OR2L3: variants seen among roughly 807,000 people sequenced by gnomAD.
The protein encoded by OR2L3 is olfactory receptor family 2 subfamily L member 3, also known as olfactory receptor 2L3.
For missense variants in OR2L3, 369 were observed against 376.6 expected, an observed-to-expected ratio of 0.98 and a Z score of 0.17; for synonymous variants, 131 against 139.1, an observed-to-expected ratio of 0.94 and a Z score of 0.41.
At chr1:248,059,807 G>A (rs1663564296) in intron 1 of OR2L3, among the ~76,000 whole-genome samples, 2 of 152,130 alleles carry the variant, frequency 1.3e-5, no homozygotes, top group African/African-American at 4.8e-5. Flanking sequence ...CATTTGCAAG[G>A]CCAAGACAGG....
intron 1 of OR2L3, among the ~76,000 whole-genome samples, chr1:248,052,943 A>T (rs1287988833): frequency 6.6e-6 from 1 of 151,240 alleles, no homozygotes; most frequent in Non-Finnish European, 1.5e-5. Context: ...TATTTTTAAT[A>T]ATTATTTTAT....
rs775645159 is a variant in OR2L3 at position 248,061,517 on chromosome 1, C to T, written c.836C>T (p.Thr279Ile). ...EDKVLAVFYT[T>I]LTPMLNPIIY... ...AAGGTTCTGGCTGTCTTCTACACCA[C>T]CCTCACTCCAATGCTCAACCCCATC... Residue 279 changes from threonine (T) to isoleucine (I), a missense_variant, in exon 2 of 2, where the codon ACC becomes ATC. Physicochemically the swap from Thr to Ile is moderately conservative, Grantham distance 89. Coordinates refer to ENST00000359959, the MANE Select transcript of OR2L3 (RefSeq NM_001004687.2). 105 of 1,613,812 alleles carry T rather than the reference C, an allele frequency of 6.5e-5. No individual in the cohort carries two copies. Among genetic ancestry groups the T allele is most frequent in the South Asian group, 1.5e-4 (14 of 91,072 alleles).
At chr1:248,060,237 A>T in intron 1 of OR2L3, among the ~76,000 whole-genome samples, 1 of 152,160 alleles carries the variant, frequency 6.6e-6, no homozygotes, top group Admixed American at 6.5e-5. Context: ...TGTAATAGAG[A>T]TATCTTTCTT....
chr1:248,053,541 C>T (rs917119915), intron 1 of OR2L3, among the ~76,000 whole-genome samples: 26 of 152,324 alleles, frequency 1.7e-4, no homozygotes, highest in Admixed American at 8.5e-4. Context: ...CTGTCTTCCA[C>T]GATGGGTGAA....
At chr1:248,057,868 A>G (rs1429325369) in intron 1 of OR2L3, among the ~76,000 whole-genome samples, 2 of 152,146 alleles carry the variant, frequency 1.3e-5, no homozygotes, top group African/African-American at 4.8e-5. Flanking sequence ...AATTTTATTT[A>G]TTATTTATCC....
rs143106924 is a variant in OR2L3, at chr1:248,061,588, G to C, written c.907G>C (p.Val303Leu). 6.0e-5 allele frequency: 97 copies of C among 1,612,810 alleles called. No homozygotes were observed. Among genetic ancestry groups the C allele is most frequent in the African/African-American group, 5.3e-4 (40 of 74,938 alleles). ...GGAGGTGATGGGGGCCCTGACACGA[G>C]TGAGTCAGAGAATCTGCTCTGGGAA... Reference protein sequence around the residue: ...NKEVMGALTRVSQRICSGKM With the variant: ...NKEVMGALTRLSQRICSGKM The change falls in exon 2 of 2, where the codon GTG becomes CTG. Residue 303 changes from valine to leucine, a missense_variant. Coordinates refer to ENST00000359959, the MANE Select transcript of OR2L3 (RefSeq NM_001004687.2).
chr1:248,049,318 G>C (rs1281207642), intron 1 of OR2L3, among the ~76,000 whole-genome samples: 1 of 152,172 alleles, frequency 6.6e-6, no homozygotes, highest in Non-Finnish European at 1.5e-5. Flanking sequence ...GGATAGGAAA[G>C]AGATCCATGC....
intron 1 of OR2L3, among the ~76,000 whole-genome samples, chr1:248,054,004 T>C (rs533271786): frequency 1.3e-5 from 2 of 152,342 alleles, no homozygotes; most frequent in South Asian, 2.1e-4. Context: ...GCAATTGCTT[T>C]TGGAGTCTTT....
chr1:248,056,335 T>C (rs1663433718), intron 1 of OR2L3, among the ~76,000 whole-genome samples: 1 of 152,090 alleles, frequency 6.6e-6, no homozygotes, highest in Admixed American at 6.6e-5. Flanking sequence ...GAAGGGTTTT[T>C]GTGGGTCTCC....
At position 248,061,838 on chromosome 1, in the gene OR2L3, A is replaced by G; in HGVS notation, c.*218A>G. The G allele has an allele frequency of 2.5e-6, 1 of 404,398 alleles. No individual in the cohort carries two copies. The highest frequency in any genetic ancestry group is 7.7e-5 in the South Asian group (1 of 12,976). 25.1% of individuals were successfully genotyped at this position (404,398 alleles called of 1,614,324 possible). ...ATGGCATTGTTTCCATAAATTTTGA[A>G]AGCACCTACTTTTACTAATATGTTG... On this transcript the variant is annotated 3_prime_UTR_variant, in exon 2 of 2. Coordinates refer to ENST00000359959, the MANE Select transcript of OR2L3 (RefSeq NM_001004687.2).
Position 248,062,043 on chromosome 1 carries a change from T to C in OR2L3, c.*423T>C, listed in dbSNP as rs576407046. Reference sequence around the variant, plus strand: ...AAGTCTCTTGACTTGGTGTATCTAGTTGAAAGCTGTAAGATGTTTTGTCTT... The same window carrying C: ...AAGTCTCTTGACTTGGTGTATCTAGCTGAAAGCTGTAAGATGTTTTGTCTT... On this transcript the variant is annotated 3_prime_UTR_variant, in exon 2 of 2. Coordinates refer to ENST00000359959, the MANE Select transcript of OR2L3 (RefSeq NM_001004687.2). The C allele has an allele frequency of 6.2e-6, 1 of 161,226 alleles. No homozygotes were observed. The highest frequency in any genetic ancestry group is 1.4e-5 in the Non-Finnish European group (1 of 73,168). 10.0% of individuals were successfully genotyped at this position (161,226 alleles called of 1,614,324 possible).
intron 1 of OR2L3, among the ~76,000 whole-genome samples, chr1:248,055,649 C>T (rs1663409822): frequency 6.6e-6 from 1 of 152,206 alleles, no homozygotes; most frequent in South Asian, 2.1e-4. Context: ...TCCAGCTACT[C>T]TGGAGGCTGA....
chr1:248,062,308 G>A lies in OR2L3; in HGVS notation c.*688G>A, dbSNP rs1249493905. 6.6e-6 allele frequency: 1 copy of A among 152,186 alleles called. No homozygotes were observed. Among genetic ancestry groups the A allele is most frequent in the Non-Finnish European group, 1.5e-5 (1 of 68,034 alleles). 9.4% of individuals were successfully genotyped at this position (152,186 alleles called of 1,614,324 possible). A position where few individuals can be genotyped will look rare whatever the true frequency, so the allele number is the denominator to read the frequency against. On this transcript the variant is annotated 3_prime_UTR_variant, in exon 2 of 2. Transcript: ENST00000359959. ...CAGTAATAAAAATGATTACATTTAGGTCTTTAACCTGTTTTGAGTTGATTT... is the reference window on the plus strand; with the variant it reads ...CAGTAATAAAAATGATTACATTTAGATCTTTAACCTGTTTTGAGTTGATTT...
At chr1:248,053,457 T>C (rs1663336612) in intron 1 of OR2L3, among the ~76,000 whole-genome samples, 1 of 152,216 alleles carries the variant, frequency 6.6e-6, no homozygotes, top group African/African-American at 2.4e-5. Flanking sequence ...TATATTCCTT[T>C]GGGTATACAC....
At position 248,062,604 on chromosome 1, in the gene OR2L3, G is replaced by T. The variant is rs1663679672; in HGVS notation, c.*984G>T. ...GGGGAGGGACGATAAAGTGGGGATG[G>T]CTAATAGTTGCAAAAATATAATTAG... On this transcript the variant is annotated 3_prime_UTR_variant, in exon 2 of 2. Coordinates refer to ENST00000359959, the MANE Select transcript of OR2L3 (RefSeq NM_001004687.2). 1 of 152,180 alleles carries T rather than the reference G, an allele frequency of 6.6e-6. No homozygotes were observed. Among genetic ancestry groups the T allele is most frequent in the African/African-American group, 2.4e-5 (1 of 41,436 alleles). The allele number at this position is 152,180 out of a possible 1,614,324, so 9.4% of individuals were successfully genotyped here.
Position 248,063,028 on chromosome 1 carries a change from C to T in OR2L3, c.*1408C>T, listed in dbSNP as rs1663694195. The T allele has an allele frequency of 6.6e-6, 1 of 152,102 alleles. No individual in the cohort carries two copies. The highest frequency in any genetic ancestry group is 1.5e-5 in the Non-Finnish European group (1 of 68,016). 9.4% of individuals were successfully genotyped at this position (152,102 alleles called of 1,614,324 possible). ...TTGTAGTATAGTTTGAAGTTTGGTA[C>T]TCATGCCTCCAGTTTTTTCTTTTTA... On this transcript the variant is annotated 3_prime_UTR_variant, in exon 2 of 2. Coordinates refer to ENST00000359959, the MANE Select transcript of OR2L3 (RefSeq NM_001004687.2).
At chr1:248,049,634 A>G (rs1364847860) in intron 1 of OR2L3, among the ~76,000 whole-genome samples, 1 of 152,224 alleles carries the variant, frequency 6.6e-6, no homozygotes, top group East Asian at 1.9e-4. Context: ...AAACGGAAAA[A>G]GATTTGTAAT....
chr1:248,049,609 C>G (rs1663190687), intron 1 of OR2L3, among the ~76,000 whole-genome samples: 1 of 152,114 alleles, frequency 6.6e-6, no homozygotes, highest in African/African-American at 2.4e-5. Context: ...TACAGTAAAA[C>G]TGGGTGATAC....
At chr1:248,056,520 T>A (rs1558201380) in intron 1 of OR2L3, among the ~76,000 whole-genome samples, 1 of 152,182 alleles carries the variant, frequency 6.6e-6, no homozygotes, top group African/African-American at 2.4e-5. Context: ...TAACACTGAT[T>A]TCTCTGCATC....
Sources: gnomAD v4.1 joint callset for allele counts (sites outside exome capture counted in the v4.1 genomes callset) on GRCh38, gnomAD v4.1.1 for gene constraint, MANE v1.5 for transcripts, NCBI Gene and HGNC (gene_info 2026-07-23, HGNC 2026-07-21) for gene names.